PARVG: variants seen among roughly 807,000 people sequenced by gnomAD.
The protein encoded by PARVG is parvin gamma.
PARVG carries 36 observed loss-of-function variants against 44.4 expected under a neutral mutation model. That is an observed-to-expected ratio of 0.81 (90% CI 0.62 to 1.07). The LOEUF is 1.07. Among genes scored for constraint, PARVG ranks in the 50% least tolerant of loss-of-function variants. The probability of loss-of-function intolerance (pLI) is 0.00; values close to 1 mark genes in which losing one functional copy is unlikely to be tolerated. For missense variants in PARVG, 407 were observed against 407.4 expected, an observed-to-expected ratio of 1.00 and a Z score of 0.01; for synonymous variants, 170 against 174.1, an observed-to-expected ratio of 0.98 and a Z score of 0.19.
chr22:44,196,878 C>T (rs2054625623), intron 11 of PARVG, among the ~76,000 whole-genome samples: 1 of 152,184 alleles, frequency 6.6e-6, no homozygotes, highest in African/African-American at 2.4e-5. Context: ...CCCCGGCTGA[C>T]TTAAGTCGAA....
chr22:44,189,245 A>C lies in PARVG; in HGVS notation c.379A>C (p.Ser127Arg). 1 of 1,613,994 alleles carries C rather than the reference A, an allele frequency of 6.2e-7. No homozygotes were observed. The change falls in exon 6 of 14, where the codon AGC becomes CGC. Residue 127 changes from serine to arginine, a missense_variant. Coordinates refer to ENST00000444313, the MANE Select transcript of PARVG (RefSeq NM_022141.7). Reference sequence around the variant, plus strand: ...GCTGGAGGAGTGGCAGGCCAAGTGGAGCGTGGAGAGTACGTGGGCCACAAC... The same window carrying C: ...GCTGGAGGAGTGGCAGGCCAAGTGGCGCGTGGAGAGTACGTGGGCCACAAC... ...LQLEEWQAKW[S>R]VESIFNKDLL...
At chr22:44,193,753 G>A (rs200539752) in intron 8 of PARVG, 48 bp from the exon 9 acceptor site, 1 of 1,605,016 alleles carries the variant, frequency 6.2e-7, no homozygotes. Context: ...AGGTTTGCGG[G>A]GTGTTTTTTT....
upstream of PARVG, chr22:44,180,876 A>C: frequency 8.1e-6 from 8 of 982,758 alleles, no homozygotes; most frequent in Non-Finnish European, 9.7e-6. Context: ...CTTCCCAGTC[A>C]CCTGTTGCTA....
At chr22:44,199,720 A>G (rs2054679764) in intron 12 of PARVG, among the ~76,000 whole-genome samples, 1 of 152,174 alleles carries the variant, frequency 6.6e-6, no homozygotes, top group Non-Finnish European at 1.5e-5. Flanking sequence ...CGGGAAGTTG[A>G]TCAGGGATTG....
At chr22:44,185,981 T>TG (rs1274960537) in intron 4 of PARVG, 109 bp downstream of exon 4, 7 of 1,083,488 alleles carry the variant, frequency 6.5e-6, no homozygotes, top group Non-Finnish European at 8.0e-6. Flanking sequence ...GGCCTCAGGC[T>TG]GGGGGGTGGC....
In PARVG at chr22:44,194,676, A is replaced by G. The variant is rs552010129; in HGVS notation, c.583+853A>G. 8.1e-4 allele frequency among the ~76,000 whole-genome samples: 123 copies of G among 151,278 alleles called. 1 individual carries two copies. The highest frequency in any genetic ancestry group is 6.9e-3 in the Middle Eastern group (2 of 290). ...TATCCATCCATCAACCTATCCATCCATCCATCCATCCATCCACCCACCCAC... is the reference window on the plus strand; with the variant it reads ...TATCCATCCATCAACCTATCCATCCGTCCATCCATCCATCCACCCACCCAC... On this transcript the variant is annotated intron_variant, in intron 9 of 13. Coordinates refer to ENST00000444313, the MANE Select transcript of PARVG (RefSeq NM_022141.7).
chr22:44,177,475 G>A (rs752567607), upstream of PARVG, among the ~76,000 whole-genome samples: 8 of 152,186 alleles, frequency 5.3e-5, no homozygotes, highest in Non-Finnish European at 1.2e-4. Flanking sequence ...CATTGAATGA[G>A]TTGTCCCATC....
Position 44,185,809 on chromosome 22 carries a change from A to C in PARVG, c.81A>C (p.Gly27=). The C allele has an allele frequency of 6.2e-7, 1 of 1,613,144 alleles. No homozygotes were observed. The highest frequency in any genetic ancestry group is 2.2e-5 in the East Asian group (1 of 44,822). The change falls in exon 4 of 14, where the codon GGA becomes GGC. Residue 27 remains glycine (G), a splice_region_variant and synonymous_variant. Transcript: ENST00000444313. Reference sequence around the variant, plus strand: ...TTGTCATACCCACTCTGCTTCCAGGAGGAAAGAAGAAATACCTGCCACCCA... The same window carrying C: ...TTGTCATACCCACTCTGCTTCCAGGCGGAAAGAAGAAATACCTGCCACCCA... The part of the protein sequence containing the change: ...EPPAEEELSK[G]GKKKYLPPTS...
intron 1 of PARVG, among the ~76,000 whole-genome samples, chr22:44,175,206 T>C (rs1189003342): frequency 6.6e-6 from 1 of 152,210 alleles, no homozygotes; most frequent in Non-Finnish European, 1.5e-5. Context: ...GGCCCCCCAA[T>C]TCAGCCGTCA....
chr22:44,187,678 G>A, intron 4 of PARVG, 98 bp from the exon 5 acceptor site: 2 of 1,084,974 alleles, frequency 1.8e-6, no homozygotes, highest in Admixed American at 1.8e-5. Context: ...TGAAAGATGG[G>A]TAGGAGTTGG....
intron 6 of PARVG, among the ~76,000 whole-genome samples, chr22:44,189,945 G>T (rs1172039958): frequency 6.6e-6 from 1 of 152,056 alleles, no homozygotes; most frequent in African/African-American, 2.4e-5. Flanking sequence ...AAGAGAGCGT[G>T]CCAAACACCT....
Position 44,182,294 on chromosome 22 carries a change from C to A in PARVG, c.-13+377C>A, listed in dbSNP as rs986088746. The stretch of plus-strand genomic sequence containing the variant: ...GGACCAGAGAGGGCAGGGGGTTTGC[C>A]CAACGTCACACAGCCTGAGTGAGGA... On this transcript the variant is annotated intron_variant, in intron 2 of 13. Coordinates refer to ENST00000444313, the MANE Select transcript of PARVG (RefSeq NM_022141.7). The surrounding 1 kb of genome is among the most constrained non-coding windows in gnomAD (Gnocchi z 4.6). Among the ~76,000 whole-genome samples the A allele has an allele frequency of 5.3e-5, 8 of 152,224 alleles. No individual in the cohort carries two copies. Among genetic ancestry groups the A allele is most frequent in the African/African-American group, 1.9e-4 (8 of 41,456 alleles).
At chr22:44,196,596 G>A (rs2054621023) in intron 11 of PARVG, among the ~76,000 whole-genome samples, 181 bp downstream of exon 11, 1 of 124,578 alleles carries the variant, frequency 8.0e-6, no homozygotes, top group Admixed American at 9.3e-5. Flanking sequence ...CCAGGGACAT[G>A]GTGGGATCCC....
Position 44,206,414 on chromosome 22 carries a change from A to G in PARVG, c.984A>G (p.Gly328=). ...CACACAGGGACAGGACGCCCCATGG[A>G]GCCCCGAATTGACCCTCACTGCCTC... ...QKAHRDRTPH[G]APN is the part of the protein sequence containing the mutation. Residue 328 remains glycine (G), a synonymous_variant, in exon 14 of 14, where the codon GGA becomes GGG. Coordinates refer to ENST00000444313, the MANE Select transcript of PARVG (RefSeq NM_022141.7). 6.2e-7 allele frequency: 1 copy of G among 1,613,838 alleles called. No individual in the cohort carries two copies. The highest frequency in any genetic ancestry group is 1.3e-5 in the African/African-American group (1 of 74,964).
Position 44,206,479 on chromosome 22 carries a change from C to T in PARVG, c.*53C>T, listed in dbSNP as rs1025040706. Reference sequence around the variant, plus strand: ...TGCCTGTCAGCCCAGCTGGAGGGCCCGAGGCTGCAGGGTGTCCTCCCACAG... The same window carrying T: ...TGCCTGTCAGCCCAGCTGGAGGGCCTGAGGCTGCAGGGTGTCCTCCCACAG... On this transcript the variant is annotated 3_prime_UTR_variant, in exon 14 of 14. Transcript: ENST00000444313. 33 of 1,536,232 alleles carry T rather than the reference C, an allele frequency of 2.1e-5. No homozygotes were observed. The highest frequency in any genetic ancestry group is 3.4e-5 in the South Asian group (3 of 89,440).
chr22:44,181,766 A>T lies in PARVG; in HGVS notation c.-164A>T. 1.0e-6 allele frequency: 1 copy of T among 985,362 alleles called. No homozygotes were observed. The highest frequency in any genetic ancestry group is 1.2e-6 in the Non-Finnish European group (1 of 829,914). The allele number at this position is 985,362 out of a possible 1,614,324, so 61.0% of individuals were successfully genotyped here. On this transcript the variant is annotated 5_prime_UTR_variant, in exon 2 of 14. Coordinates refer to ENST00000444313, the MANE Select transcript of PARVG (RefSeq NM_022141.7). ...GAGAGGAGGAAGCTCCTGCCGGCTG[A>T]GCGGGCCTGGAGGAAGTGAGCAGCG...
At chr22:44,204,859 G>A (rs1407558407) in intron 12 of PARVG, among the ~76,000 whole-genome samples, 1 of 152,214 alleles carries the variant, frequency 6.6e-6, no homozygotes. Context: ...GCTGCCCTAA[G>A]GCAAAGGGCT....
chr22:44,189,468 G>A (rs551344323), intron 6 of PARVG, among the ~76,000 whole-genome samples: 4 of 152,350 alleles, frequency 2.6e-5, no homozygotes, highest in African/African-American at 9.6e-5. Flanking sequence ...CCTAGAGGGT[G>A]TTACTGCTGC....
exon 1 of PARVG, chr22:44,173,062 G>C: frequency 2.3e-6 from 3 of 1,289,750 alleles, no homozygotes; most frequent in South Asian, 1.2e-5. Flanking sequence ...GCTGCTTCCC[G>C]GGACCTTCCA....
Sources: allele counts gnomAD v4.1 joint callset (sites outside exome capture counted in the v4.1 genomes callset), GRCh38; gene constraint gnomAD v4.1.1; non-coding constraint Gnocchi (gnomAD v3.1); transcripts MANE v1.5; gene names NCBI Gene and HGNC (gene_info 2026-07-23, HGNC 2026-07-21).